HAUS7: variants seen among roughly 807,000 people sequenced by gnomAD.
HAUS7 encodes HAUS augmin-like complex subunit 7.
Under a neutral mutation model 28.4 loss-of-function variants are expected in HAUS7, and 3 were observed. The observed-to-expected ratio is 0.11, with a 90% confidence interval of 0.05 to 0.27. The LOEUF (loss-of-function observed/expected upper bound fraction) is 0.27. Ranked by LOEUF, HAUS7 falls within the 10% of genes least tolerant of loss-of-function variation. The pLI, the probability that HAUS7 is intolerant of heterozygous loss-of-function variation, is 1.00. For missense variants in HAUS7, 284 were observed against 297.3 expected (o/e 0.96, Z 0.33); for synonymous variants, 165 against 132.1 (o/e 1.25, Z -1.71).
At chrX:153,457,656 C>G (rs2089332726) in intron 4 of HAUS7, among the ~76,000 whole-genome samples, 2 of 113,145 alleles carry the variant, frequency 1.8e-5, no homozygotes, top group African/African-American at 6.4e-5. Context: ...CAGGATGGGG[C>G]TGAGAGGTGG....
In HAUS7 at chrX:153,482,419, C is replaced by G. The variant is rs1329488027; in HGVS notation, c.-588-11274G>C. On this transcript the variant is annotated intron_variant, in intron 1 of 5. Coordinates refer to the HAUS7 transcript ENST00000370210. ...CCTCCCTGCAGGAGCTCAAACTCAA[C>G]GACAACCTCCTGCAGGGCTTGCAAG... is the stretch of plus-strand genomic sequence containing the variant. 17 of 755,492 alleles carry G rather than the reference C, an allele frequency of 2.3e-5. No homozygotes were observed. In the African/African-American group the frequency reaches 3.9e-4, roughly 17 times the overall value. 62.3% of individuals were successfully genotyped at this position (755,492 alleles called of 1,213,427 possible).
At chrX:153,450,115 G>A (rs1032136770) in intron 9 of HAUS7, among the ~76,000 whole-genome samples, 4 of 111,798 alleles carry the variant, frequency 3.6e-5, no homozygotes, top group East Asian at 2.8e-4. Context: ...TGGTGGAGCC[G>A]TTGCCTGTGG....
chrX:153,462,106 ATCAT>A lies in HAUS7; in HGVS notation c.354+500_354+503del, dbSNP rs1556983511. 6.7e-6 allele frequency: 7 copies of A among 1,052,220 alleles called. No individual in the cohort carries two copies. The South Asian group carries it at 9.0e-5, about 13-fold the overall frequency. 86.7% of individuals were successfully genotyped at this position (1,052,220 alleles called of 1,213,427 possible). On this transcript the variant is annotated intron_variant, in intron 4 of 9. Coordinates refer to ENST00000370211, the MANE Select transcript of HAUS7 (RefSeq NM_001385482.1). ...AAAAAGAAAACGTGTTCAGTCAAAA[ATCAT>A]ATGCAAGAATGTTTATAGTAGCATT...
intron 1 of HAUS7, among the ~76,000 whole-genome samples, chrX:153,469,963 G>T (rs2089500507): frequency 9.0e-6 from 1 of 111,199 alleles, no homozygotes; most frequent in African/African-American, 3.3e-5. Context: ...TAACCTCGTG[G>T]GCCAGCTTTC....
chrX:153,476,598 C>T (rs903098035), intron 1 of HAUS7, among the ~76,000 whole-genome samples: 9 of 111,955 alleles, frequency 8.0e-5, no homozygotes, highest in African/African-American at 2.0e-4. Context: ...CTTCTCTAGG[C>T]GCCTTCTGGC....
At chrX:153,455,244 A>G (rs965504519) in intron 8 of HAUS7, 1 of 436,033 alleles carries the variant, frequency 2.3e-6, no homozygotes. Context: ...ACACAGGAAC[A>G]GCACCTGGAG....
In HAUS7 at chrX:153,456,529, T is replaced by G. The variant is rs1291736647; in HGVS notation, c.569A>C (p.Gln190Pro). The G allele has an allele frequency of 8.5e-7, 1 of 1,178,733 alleles. No individual in the cohort carries two copies. Among genetic ancestry groups the G allele is most frequent in the African/African-American group, 1.8e-5 (1 of 56,586 alleles). ...ATCACTCTGCTTGTTGAGGAGGGGC[T>G]GCATGTCCAGGGGCCACGGGTCGCA... ...PECDPWPLDM[Q>P]PLLNKQSDDW... The change falls in exon 6 of 10, where the codon CAG becomes CCG. Residue 190 changes from glutamine to proline, a missense_variant. By Grantham distance (76) the Gln-to-Pro change is moderately conservative. Coordinates refer to ENST00000370211, the MANE Select transcript of HAUS7 (RefSeq NM_001385482.1).
chrX:153,478,972 C>T (rs1051878028), intron 1 of HAUS7, among the ~76,000 whole-genome samples: 1 of 112,241 alleles, frequency 8.9e-6, no homozygotes, highest in African/African-American at 3.2e-5. Flanking sequence ...AGAATCAATG[C>T]GGGCCTCACA....
Position 153,455,640 on chromosome X carries a change from C to T in HAUS7, c.832G>A (p.Asp278Asn), listed in dbSNP as rs782033231. The change falls in exon 8 of 10, where the codon GAC (aspartate) becomes AAC (asparagine). Residue 278 changes from aspartate (D) to asparagine (N), a missense_variant. Asp to Asn is a conservative substitution (Grantham distance 23, BLOSUM62 1). Coordinates refer to ENST00000370211, the MANE Select transcript of HAUS7 (RefSeq NM_001385482.1). ...CGCTGGCAGCACTCGCCCAGCTCGT[C>T]GTCGTAGACTTGGAGAAAAGCCAAG... The part of the protein sequence containing the change: ...LILAFLQVYD[D>N]ELGECCQRPG... 7 of 1,208,723 alleles carry T rather than the reference C, an allele frequency of 5.8e-6. No homozygotes were observed. The highest frequency in any genetic ancestry group is 1.7e-5 in the African/African-American group (1 of 57,802).
At chrX:153,477,657 A>G (rs1181779836) in intron 1 of HAUS7, among the ~76,000 whole-genome samples, 1 of 112,684 alleles carries the variant, frequency 8.9e-6, no homozygotes, top group African/African-American at 3.2e-5. Flanking sequence ...CAGGCAGGAC[A>G]CTGGCCCACA....
intron 9 of HAUS7, among the ~76,000 whole-genome samples, chrX:153,453,508 G>T (rs868948926): frequency 1.8e-5 from 2 of 110,637 alleles, no homozygotes; most frequent in Non-Finnish European, 3.8e-5. Flanking sequence ...CTTTCTTTGG[G>T]TTTATTTTGC....
At chrX:153,457,961 A>G (rs371405484) in intron 4 of HAUS7, among the ~76,000 whole-genome samples, 33 of 113,424 alleles carry the variant, frequency 2.9e-4, no homozygotes, top group African/African-American at 1.0e-3. Context: ...CAAAAGGGTC[A>G]ACTCCATGGC....
At chrX:153,485,489 A>G (rs2089630099) in intron 1 of HAUS7, among the ~76,000 whole-genome samples, 1 of 112,058 alleles carries the variant, frequency 8.9e-6, no homozygotes, top group Non-Finnish European at 1.9e-5. Context: ...CCACAATGAC[A>G]GCAGGTATCG....
Position 153,454,404 on chromosome X carries a change from G to A in HAUS7, c.1035C>T (p.Val345=), listed in dbSNP as rs782624525. Reference sequence around the variant, plus strand: ...TGGGCAGCCACGTACCTAGACTCATGACGGAGCTGCTGCCACCCCAGCAGA... The same window carrying A: ...TGGGCAGCCACGTACCTAGACTCATAACGGAGCTGCTGCCACCCCAGCAGA... ...EQICWGGSSS[V]MSLATKMNEL... Residue 345 remains valine (V), a synonymous_variant, in exon 9 of 10, where the codon GTC becomes GTT. Coordinates refer to ENST00000370211, the MANE Select transcript of HAUS7 (RefSeq NM_001385482.1). The A allele has an allele frequency of 8.5e-7, 1 of 1,172,539 alleles. No homozygotes were observed. Among genetic ancestry groups the A allele is most frequent in the Admixed American group, 2.2e-5 (1 of 45,936 alleles).
In HAUS7 at chrX:153,455,531, G is replaced by T. The variant is rs1441301330; in HGVS notation, c.930+11C>A. 4.5e-6 allele frequency: 5 copies of T among 1,118,169 alleles called. No homozygotes were observed. The Admixed American group carries it at 6.6e-5, about 15-fold the overall frequency. 92.1% of individuals were successfully genotyped at this position (1,118,169 alleles called of 1,213,427 possible). On this transcript the variant is annotated intron_variant, in intron 8 of 9. Coordinates refer to ENST00000370211, the MANE Select transcript of HAUS7 (RefSeq NM_001385482.1). ...GGGGGCGGTTAGAGGGGAGGGGAAG[G>T]GCACCCTTACTTGGCTGTAGGAAGT...
At position 153,450,632 on chromosome X, in the gene HAUS7, T is replaced by C. The variant is rs782798872; in HGVS notation, c.1046-2723A>G. On this transcript the variant is annotated intron_variant, in intron 9 of 9. Coordinates refer to ENST00000370211, the MANE Select transcript of HAUS7 (RefSeq NM_001385482.1). Reference sequence around the variant, plus strand: ...ATTGATGTTTTCATGGCAGTGAGGTTTCAGGAAGCCTGGGGGGCGACTCCT... The same window carrying C: ...ATTGATGTTTTCATGGCAGTGAGGTCTCAGGAAGCCTGGGGGGCGACTCCT... Among the ~76,000 whole-genome samples, 3 of 112,569 alleles carry C rather than the reference T, an allele frequency of 2.7e-5. No individual in the cohort carries two copies. In the South Asian group the frequency reaches 1.1e-3, roughly 41 times the overall value.
upstream of HAUS7, among the ~76,000 whole-genome samples, chrX:153,475,158 C>G (rs1556986046): frequency 1.8e-5 from 2 of 112,645 alleles, no homozygotes; most frequent in Non-Finnish European, 3.8e-5. Context: ...CGGAGTCCAG[C>G]GAAGCCACGC....
At chrX:153,457,029 C>T in intron 5 of HAUS7, 108 bp downstream of exon 5, 1 of 564,842 alleles carries the variant, frequency 1.8e-6, no homozygotes. Context: ...GGGTGTCACA[C>T]CCCAGCCAGC....
chrX:153,494,304 G>A (rs925531292), intron 1 of HAUS7, among the ~76,000 whole-genome samples: 1 of 112,740 alleles, frequency 8.9e-6, no homozygotes, highest in African/African-American at 3.2e-5. Context: ...TGGATCCTTC[G>A]TCTCTGAATC....
Sources: gnomAD v4.1 joint callset for allele counts (sites outside exome capture counted in the v4.1 genomes callset) on GRCh38, gnomAD v4.1.1 for gene constraint, MANE v1.5 for transcripts, NCBI Gene and HGNC (gene_info 2026-07-23, HGNC 2026-07-21) for gene names.